ABI3BP: variants seen among roughly 807,000 people sequenced by gnomAD.
ABI3BP encodes the protein target of Nesh-SH3.
In ABI3BP, 216 loss-of-function variants were observed where a neutral mutation model predicts 268.6. The ratio of observed to expected loss-of-function variants is 0.80; its 90% CI spans 0.72 to 0.90. The LOEUF is 0.90. ABI3BP is among the 40% of genes least tolerant of loss of function. The pLI, the probability that ABI3BP is intolerant of heterozygous loss-of-function variation, is 0.00. For synonymous variants in ABI3BP, 730 were observed against 730.0 expected, an observed-to-expected ratio of 1.00 and a Z score of 0.00; for missense variants, 2,090 against 2,182.4, an observed-to-expected ratio of 0.96 and a Z score of 0.84.
At chr3:100,787,830 C>G in intron 56 of ABI3BP, 28 bp from the exon 57 acceptor site, 1 of 1,431,814 alleles carries the variant, frequency 7.0e-7, no homozygotes, top group Non-Finnish European at 9.2e-7. Flanking sequence ...ATAAATAGTT[C>G]ATTTTCTTAT....
chr3:100,843,892 C>T, intron 20 of ABI3BP: 2 of 985,090 alleles, frequency 2.0e-6, no homozygotes, highest in Non-Finnish European at 2.4e-6. Context: ...TTTTAGACTT[C>T]ACAAAAATTA....
At chr3:100,851,160 G>C (rs540442097) in intron 15 of ABI3BP, among the ~76,000 whole-genome samples, 2 of 152,262 alleles carry the variant, frequency 1.3e-5, no homozygotes, top group South Asian at 4.1e-4. Flanking sequence ...GCAGAAACCA[G>C]TCTTACTCCC....
intron 1 of ABI3BP, among the ~76,000 whole-genome samples, chr3:100,936,412 A>G (rs559665069): frequency 2.6e-5 from 4 of 152,294 alleles, no homozygotes; most frequent in South Asian, 2.1e-4. Context: ...ATCAATGTTC[A>G]TCAAGGATAT....
At chr3:100,914,427 C>T in intron 2 of ABI3BP, 1 of 455,668 alleles carries the variant, frequency 2.2e-6, no homozygotes. Flanking sequence ...AAACTACTCA[C>T]AAAAGTGCAG....
intron 1 of ABI3BP, among the ~76,000 whole-genome samples, chr3:100,955,460 AAT>A (rs1173215643): frequency 5.9e-5 from 9 of 152,056 alleles, no homozygotes; most frequent in Admixed American, 5.9e-4. Flanking sequence ...GCAACTATTA[AAT>A]ATAGTGGCAG....
chr3:100,857,975 T>A (rs2055548), intron 14 of ABI3BP, among the ~76,000 whole-genome samples: 1 of 152,084 alleles, frequency 6.6e-6, no homozygotes, highest in Non-Finnish European at 1.5e-5. Flanking sequence ...TGGAAGACAC[T>A]GAGAACTTTT....
intron 39 of ABI3BP, among the ~76,000 whole-genome samples, chr3:100,820,723 G>A (rs968960307): frequency 5.9e-5 from 9 of 152,054 alleles, no homozygotes; most frequent in Admixed American, 1.3e-4. Flanking sequence ...AAACTCTCTG[G>A]TATCACAATC....
At chr3:100,754,761 A>G (rs965033923) in intron 63 of ABI3BP, 70 bp from the exon 64 acceptor site, 82 of 1,235,106 alleles carry the variant, frequency 6.6e-5, no homozygotes, top group East Asian at 3.0e-4. Context: ...TTGCCCTATT[A>G]TACGGACATC....
At chr3:100,834,604 A>T (rs1485851542) in intron 29 of ABI3BP, 80 bp downstream of exon 29, 2 of 1,345,746 alleles carry the variant, frequency 1.5e-6, no homozygotes, top group Non-Finnish European at 2.1e-6. Flanking sequence ...CAAGTGGGTT[A>T]TAAAGTGGCA....
chr3:100,838,914 T>C (rs964210843), intron 24 of ABI3BP, among the ~76,000 whole-genome samples: 2 of 152,164 alleles, frequency 1.3e-5, no homozygotes, highest in Non-Finnish European at 2.9e-5. Flanking sequence ...TTTCCCAAAG[T>C]AAAGCCATGA....
chr3:100,961,056 C>T (rs2078928975), intron 1 of ABI3BP, among the ~76,000 whole-genome samples: 1 of 152,134 alleles, frequency 6.6e-6, no homozygotes, highest in South Asian at 2.1e-4. Context: ...GTCATGGCTG[C>T]AATAGAAAAC....
At chr3:100,890,720 C>T (rs536053483) in intron 4 of ABI3BP, among the ~76,000 whole-genome samples, 1 of 152,054 alleles carries the variant, frequency 6.6e-6, no homozygotes, top group Non-Finnish European at 1.5e-5. Context: ...ACCTTATGAC[C>T]AAATTACTTA....
intron 1 of ABI3BP, among the ~76,000 whole-genome samples, chr3:100,969,321 T>C (rs1350185617): frequency 6.6e-6 from 1 of 152,156 alleles, no homozygotes; most frequent in African/African-American, 2.4e-5. Context: ...TTAGATGACA[T>C]ATGTAGGGCT....
chr3:100,822,486 C>T (rs1423314316), intron 38 of ABI3BP, 103 bp downstream of exon 38: 4 of 962,942 alleles, frequency 4.2e-6, no homozygotes, highest in Non-Finnish European at 4.7e-6. Context: ...TGTAGCTTCC[C>T]TCTCACAGGG....
chr3:100,963,183 T>C (rs1167802028), intron 1 of ABI3BP, among the ~76,000 whole-genome samples: 1 of 152,152 alleles, frequency 6.6e-6, no homozygotes, highest in East Asian at 1.9e-4. Flanking sequence ...AGATGAGAAA[T>C]GGAGGCATAC....
At chr3:100,764,312 C>T (rs2096148494) in intron 63 of ABI3BP, among the ~76,000 whole-genome samples, 1 of 152,248 alleles carries the variant, frequency 6.6e-6, no homozygotes. Context: ...TCAGAGTTCT[C>T]ACTACTTTGT....
intron 9 of ABI3BP, among the ~76,000 whole-genome samples, chr3:100,871,448 T>C (rs2099108375): frequency 6.6e-6 from 1 of 152,230 alleles, no homozygotes; most frequent in African/African-American, 2.4e-5. Context: ...ATGGTTTGGC[T>C]GTGTCCCCAC....
chr3:100,895,616 G>A (rs1304748491), intron 4 of ABI3BP, among the ~76,000 whole-genome samples: 1 of 152,170 alleles, frequency 6.6e-6, no homozygotes, highest in Non-Finnish European at 1.5e-5. Flanking sequence ...ACCAATTGGT[G>A]TTCCTGTAGC....
At chr3:100,982,622 T>C (rs1486664648) in intron 1 of ABI3BP, among the ~76,000 whole-genome samples, 1 of 152,050 alleles carries the variant, frequency 6.6e-6, no homozygotes, top group Non-Finnish European at 1.5e-5. Flanking sequence ...AGTATTTATC[T>C]TTCCAGCTCA....
Sources: gnomAD v4.1 joint callset for allele counts (sites outside exome capture counted in the v4.1 genomes callset) on GRCh38, gnomAD v4.1.1 for gene constraint, MANE v1.5 for transcripts, NCBI Gene and HGNC (gene_info 2026-07-23, HGNC 2026-07-21) for gene names.